Variants in AOPEP observed in about 807,000 individuals in gnomAD.
AOPEP encodes aminopeptidase O (putative).
Under a neutral mutation model 98.1 loss-of-function variants are expected in AOPEP, and 77 were observed. The observed-to-expected ratio is 0.78, with a 90% CI of 0.65 to 0.95. The LOEUF is 0.95. Ranked by LOEUF, AOPEP falls within the 40% of genes least tolerant of loss-of-function variation. The pLI is 0.00. For synonymous variants in AOPEP, 346 were observed against 365.3 expected (o/e 0.95, Z 0.60); for missense variants, 1,024 against 1,024.7 (o/e 1.00, Z 0.01).
intron 5 of AOPEP, among the ~76,000 whole-genome samples, chr9:94,839,294 T>C (rs1232085700): frequency 6.6e-6 from 1 of 152,080 alleles, no homozygotes; most frequent in Non-Finnish European, 1.5e-5. Context: ...TTTCACATGT[T>C]AGCCAGGTTG....
In AOPEP at chr9:94,792,853, G is replaced by A; in HGVS notation, c.1053G>A (p.Met351Ile). Reference protein sequence around the residue: ...IAVGCWTEMKMETWSSNDLAT... With the variant: ...IAVGCWTEMKIETWSSNDLAT... ...TGGGATGCTGGACAGAAATGAAGAT[G>A]GAGACATGGTCATCAAATGATTTGG... The change falls in exon 4 of 17, where the codon ATG becomes ATA. Residue 351 changes from methionine (M) to isoleucine (I), a missense_variant. By Grantham distance (10) the Met-to-Ile change is conservative. Coordinates refer to ENST00000375315, the MANE Select transcript of AOPEP (RefSeq NM_001193329.3). The A allele has an allele frequency of 6.2e-7, 1 of 1,613,716 alleles. No individual in the cohort carries two copies. Among genetic ancestry groups the A allele is most frequent in the Non-Finnish European group, 8.5e-7 (1 of 1,179,856 alleles).
At chr9:94,854,943 TGTCA>T (rs1222717122) in intron 5 of AOPEP, among the ~76,000 whole-genome samples, 1 of 152,190 alleles carries the variant, frequency 6.6e-6, no homozygotes, top group Non-Finnish European at 1.5e-5. Flanking sequence ...TCAAACTGTT[TGTCA>T]TTATACATGT....
chr9:94,845,090 A>T (rs145759480), intron 5 of AOPEP, among the ~76,000 whole-genome samples: 2 of 152,238 alleles, frequency 1.3e-5, no homozygotes, highest in South Asian at 4.1e-4. Flanking sequence ...AAATAGGCAG[A>T]TGCATGAATA....
chr9:94,761,120 A>G lies in AOPEP; in HGVS notation c.797+540A>G, dbSNP rs1838185902. Among the ~76,000 whole-genome samples the G allele has an allele frequency of 3.3e-5, 5 of 152,090 alleles. No homozygotes were observed. In the South Asian group the frequency reaches 1.0e-3, roughly 32 times the overall value. On this transcript the variant is annotated intron_variant, in intron 2 of 16. Coordinates refer to ENST00000375315, the MANE Select transcript of AOPEP (RefSeq NM_001193329.3). ...TTTTCATGTAACGTGACCCCCCCCA[A>G]AGCATACAAAAGACCTGTTTCTGAG...
intron 13 of AOPEP, among the ~76,000 whole-genome samples, chr9:95,020,926 A>AAACAAAAG: frequency 6.6e-6 from 1 of 151,200 alleles, no homozygotes; most frequent in East Asian, 1.9e-4. Context: ...CTCAAAAAAA[A>AAACAAAAG]AAAAAAAAAA....
intron 1 of AOPEP, among the ~76,000 whole-genome samples, chr9:94,748,003 T>TC (rs1834902442): frequency 6.6e-6 from 1 of 152,216 alleles, no homozygotes; most frequent in Admixed American, 6.5e-5. Context: ...TAGTTCAGCC[T>TC]CTAGTCATTC....
At position 95,067,246 on chromosome 9, in the gene AOPEP, C is replaced by T. The variant is rs145918902; in HGVS notation, c.2232+6436C>T. 2.9e-3 allele frequency among the ~76,000 whole-genome samples: 444 copies of T among 152,256 alleles called. 5 individuals are homozygous for T. Among genetic ancestry groups the T allele is most frequent in the African/African-American group, 9.6e-3 (398 of 41,548 alleles). ...CTTTACCCCTTGTGTTCAGGCCGCT[C>T]GCACGGAGTCAGCTTGCGGAAGCAC... On this transcript the variant is annotated intron_variant, in intron 14 of 16. Transcript: ENST00000375315.
At chr9:95,114,712 T>C in the AOPEP span, 1 of 1,613,964 alleles carries the variant, frequency 6.2e-7, no homozygotes, top group Non-Finnish European at 8.5e-7. Context: ...GAGGGATATC[T>C]GCGGGTGGAG....
chr9:95,015,695 C>T (rs2062920268), intron 13 of AOPEP, among the ~76,000 whole-genome samples: 1 of 152,174 alleles, frequency 6.6e-6, no homozygotes, highest in African/African-American at 2.4e-5. Context: ...TAAGGGAAGT[C>T]ATCACTTTGG....
At chr9:94,897,841 CT>C (rs11396643) in intron 5 of AOPEP, among the ~76,000 whole-genome samples, 81 of 139,514 alleles carry the variant, frequency 5.8e-4, no homozygotes, top group Admixed American at 6.5e-4. Flanking sequence ...AAAAGTATGC[CT>C]TTTTTTTTTT....
chr9:94,731,133 CG>C (rs1292653839), intron 1 of AOPEP, among the ~76,000 whole-genome samples: 1 of 152,120 alleles, frequency 6.6e-6, no homozygotes, highest in African/African-American at 2.4e-5. Context: ...TCACTCCGCC[CG>C]GTAAGTGCTT....
At chr9:94,928,846 GCCTGGCAGACAGTAAA>G (rs1301209034) in intron 7 of AOPEP, 1 of 264,274 alleles carries the variant, frequency 3.8e-6, no homozygotes, top group African/African-American at 2.3e-5. Context: ...GGGTTTGGCA[GCCTGGCAGACAGTAAA>G]CCTATAAAGC....
chr9:95,131,325 G>A, the AOPEP span, among the ~76,000 whole-genome samples: 1 of 152,310 alleles, frequency 6.6e-6, no homozygotes, highest in South Asian at 2.1e-4. Context: ...GCCCAAGCTG[G>A]AAGAAAGCTC....
chr9:94,782,953 C>A (rs1843615349), intron 3 of AOPEP, among the ~76,000 whole-genome samples: 1 of 152,190 alleles, frequency 6.6e-6, no homozygotes, highest in African/African-American at 2.4e-5. Context: ...TTCTGGCAGG[C>A]ATGTATATAC....
At chr9:94,808,065 C>T (rs1428812867) in intron 5 of AOPEP, among the ~76,000 whole-genome samples, 19 of 143,974 alleles carry the variant, frequency 1.3e-4, no homozygotes, top group African/African-American at 4.6e-4. Context: ...TTTTTTGAGA[C>T]GGAGTCTCAC....
At chr9:94,956,055 G>A (rs548616191) in intron 9 of AOPEP, 40 bp downstream of exon 9, 1 of 1,182,518 alleles carries the variant, frequency 8.5e-7, no homozygotes, top group African/African-American at 1.5e-5. Flanking sequence ...TGTATGACTG[G>A]AGGGGGTATG....
At chr9:94,816,362 C>G (rs189662301) in intron 5 of AOPEP, among the ~76,000 whole-genome samples, 1 of 151,590 alleles carries the variant, frequency 6.6e-6, no homozygotes, top group East Asian at 2.0e-4. Flanking sequence ...GAATAACTCA[C>G]CAAGTTAACT....
chr9:95,114,849 C>A, the AOPEP span: 1 of 739,400 alleles, frequency 1.4e-6, no homozygotes, highest in Admixed American at 2.0e-5. Flanking sequence ...TGTTCTCATG[C>A]TTTTCCCAGC....
At chr9:94,800,678 G>A in intron 4 of AOPEP, 79 bp from the exon 5 acceptor site, 1 of 1,497,252 alleles carries the variant, frequency 6.7e-7, no homozygotes, top group Non-Finnish European at 9.2e-7. Context: ...CCTAAAAGTT[G>A]TCTACATCTG....
Sources: gnomAD v4.1 joint callset for allele counts (sites outside exome capture counted in the v4.1 genomes callset) on GRCh38, gnomAD v4.1.1 for gene constraint, MANE v1.5 for transcripts, NCBI Gene and HGNC (gene_info 2026-07-23, HGNC 2026-07-21) for gene names.